PTDSS2: variants seen among roughly 807,000 people sequenced by gnomAD.
The protein encoded by PTDSS2 is PSS-2.
In PTDSS2, 41 loss-of-function variants were observed where a neutral mutation model predicts 64.7. The observed-to-expected ratio is 0.63, with a 90% confidence interval of 0.49 to 0.82. The LOEUF is 0.82. Among genes scored for constraint, PTDSS2 ranks in the 40% least tolerant of loss-of-function variants. PTDSS2 has a pLI of 0.00. For synonymous variants in PTDSS2, 297 were observed against 277.8 expected (o/e 1.07, Z -0.69); for missense variants, 485 against 650.0 (o/e 0.75, Z 2.76).
In PTDSS2 at chr11:490,481, G is replaced by C; in HGVS notation, c.1363G>C (p.Gly455Arg). Residue 455 changes from glycine (G) to arginine (R), a missense_variant, in exon 12 of 12, where the codon GGC becomes CGC. Gly to Arg is a moderately radical substitution (Grantham distance 125). Coordinates refer to ENST00000308020, the MANE Select transcript of PTDSS2 (RefSeq NM_030783.3). ...WQKWQNKDDQ[G>R]STVGNGDQHP... ...GAAGTGGCAGAACAAGGATGACCAG[G>C]GCAGCACCGTCGGCAACGGGGACCA... The C allele has an allele frequency of 2.5e-6, 4 of 1,613,226 alleles. No homozygotes were observed. The highest frequency in any genetic ancestry group is 3.4e-6 in the Non-Finnish European group (4 of 1,179,958).
At chr11:458,803 G>GAT (rs1361109910) in intron 1 of PTDSS2, 1 of 152,208 alleles carries the variant, frequency 6.6e-6, no homozygotes, top group Non-Finnish European at 1.5e-5. Flanking sequence ...AGTTTTATCA[G>GAT]ATATATGTAT....
At chr11:487,878 G>A (rs371746629) in intron 6 of PTDSS2, among the ~76,000 whole-genome samples, 2 of 152,318 alleles carry the variant, frequency 1.3e-5, no homozygotes, top group East Asian at 3.9e-4. Context: ...GCTGACAGTC[G>A]TACATCGAGG....
At chr11:455,104 A>G (rs986715046) in intron 1 of PTDSS2, among the ~76,000 whole-genome samples, 1 of 152,198 alleles carries the variant, frequency 6.6e-6, no homozygotes, top group African/African-American at 2.4e-5. Flanking sequence ...CTGAGCCCAC[A>G]TGGAGATGAC....
intron 11 of PTDSS2, 77 bp from the exon 12 acceptor site, chr11:490,343 C>G (rs1848616994): frequency 6.3e-7 from 1 of 1,591,798 alleles, no homozygotes; most frequent in African/African-American, 1.3e-5. Context: ...TCCACAGGGA[C>G]TAGGTGCCAG....
chr11:472,468 T>C (rs1847512297), intron 2 of PTDSS2, among the ~76,000 whole-genome samples: 1 of 152,154 alleles, frequency 6.6e-6, no homozygotes, highest in African/African-American at 2.4e-5. Flanking sequence ...AGCTGGGGCC[T>C]GGGTGGAGAC....
chr11:451,504 C>T (rs1366794814), intron 1 of PTDSS2: 1 of 356,260 alleles, frequency 2.8e-6, no homozygotes, highest in Non-Finnish European at 6.0e-6. Flanking sequence ...GTGCCCAGTT[C>T]CCATCCTGTG....
chr11:467,066 C>A (rs1328889923), intron 2 of PTDSS2, among the ~76,000 whole-genome samples: 5 of 152,000 alleles, frequency 3.3e-5, no homozygotes, highest in Non-Finnish European at 7.4e-5. Flanking sequence ...CAAACACAAA[C>A]CTGGGTGACA....
intron 2 of PTDSS2, among the ~76,000 whole-genome samples, chr11:471,604 C>T (rs966201129): frequency 1.3e-5 from 2 of 149,812 alleles, no homozygotes; most frequent in Non-Finnish European, 3.0e-5. Context: ...GGATGGTGGC[C>T]TGGGATGACA....
At chr11:469,306 T>C (rs1590638919) in intron 2 of PTDSS2, among the ~76,000 whole-genome samples, 2 of 91,418 alleles carry the variant, frequency 2.2e-5, no homozygotes, top group Admixed American at 1.1e-4. Context: ...GGGGAGTCTC[T>C]GGGTAATCGG....
At chr11:464,615 G>A (rs929189819) in intron 2 of PTDSS2, among the ~76,000 whole-genome samples, 5 of 152,252 alleles carry the variant, frequency 3.3e-5, no homozygotes, top group Non-Finnish European at 5.9e-5. Flanking sequence ...CTGGAGGGCA[G>A]CTTCGCGGCA....
Position 473,816 on chromosome 11 carries a change from T to TG in PTDSS2, c.285-74dup, listed in dbSNP as rs1213819626. 16 of 1,086,036 alleles carry TG rather than the reference T, an allele frequency of 1.5e-5. No individual in the cohort carries two copies. The Admixed American group carries it at 2.7e-4, about 18-fold the overall frequency. The allele number at this position is 1,086,036 out of a possible 1,614,324, so 67.3% of individuals were successfully genotyped here. A position where few individuals can be genotyped will look rare whatever the true frequency, so the allele number is the denominator to read the frequency against. ...CAGGGGCTGTTCCACAATGGGTGTC[T>TG]GGGGGTCCCTGCAGCCTCCCACCTC... On this transcript the variant is annotated intron_variant, in intron 2 of 11. Coordinates refer to ENST00000308020, the MANE Select transcript of PTDSS2 (RefSeq NM_030783.3).
rs574318775 is a variant in PTDSS2 at position 471,728 on chromosome 11, G to A, written c.285-2167G>A. ...GGTGGCCTGGGGTGACGTGGATGGC[G>A]GCCTGGGGTGACGCAGATGGTGGCC... is the stretch of plus-strand genomic sequence containing the variant. On this transcript the variant is annotated intron_variant, in intron 2 of 11. Coordinates refer to ENST00000308020, the MANE Select transcript of PTDSS2 (RefSeq NM_030783.3). Among the ~76,000 whole-genome samples the A allele has an allele frequency of 8.1e-5, 12 of 148,120 alleles. No homozygotes were observed. In the South Asian group the frequency reaches 1.5e-3, roughly 19 times the overall value.
chr11:460,486 G>GC lies in PTDSS2; in HGVS notation c.284+203dup, dbSNP rs1846827005. ...TGGTGCTGCGTGGCGTTCCCGGTCA[G>GC]CCCCCGTCGCCTGTCACTGGGAGCC... On this transcript the variant is annotated intron_variant, in intron 2 of 11. Transcript: ENST00000308020. This position sits in a 1 kb window ranked among gnomAD's most constrained non-coding sequence, Gnocchi z 5.8. 3.6e-6 allele frequency: 2 copies of GC among 554,378 alleles called. No individual in the cohort carries two copies. Among genetic ancestry groups the GC allele is most frequent in the African/African-American group, 3.8e-5 (2 of 52,816 alleles). The allele number at this position is 554,378 out of a possible 1,614,324, so 34.3% of individuals were successfully genotyped here.
chr11:458,507 A>ATT (rs3082636), intron 1 of PTDSS2, among the ~76,000 whole-genome samples: 1,274 of 93,862 alleles, frequency 0.014, 50 homozygotes, highest in African/African-American at 0.046. Flanking sequence ...GCCTGGCCTG[A>ATT]TTTTTTTTTT....
At chr11:487,320 G>A (rs892950104) in intron 5 of PTDSS2, 100 bp from the exon 6 acceptor site, 30 of 1,177,194 alleles carry the variant, frequency 2.5e-5, no homozygotes, top group South Asian at 2.3e-4. Context: ...CCTTCTTCCC[G>A]GGGTCTGGCA....
chr11:474,693 C>G (rs980770476), intron 3 of PTDSS2, among the ~76,000 whole-genome samples: 1 of 152,190 alleles, frequency 6.6e-6, no homozygotes, highest in Non-Finnish European at 1.5e-5. Flanking sequence ...GGTTGTTTCC[C>G]CTGAGTGGCC....
chr11:489,575 T>C lies in PTDSS2; in HGVS notation c.970-13T>C, dbSNP rs1342541032. 4 of 1,605,608 alleles carry C rather than the reference T, an allele frequency of 2.5e-6. No homozygotes were observed. In the Admixed American group the frequency reaches 6.8e-5, roughly 27 times the overall value. On this transcript the variant is annotated splice_polypyrimidine_tract_variant and intron_variant, in intron 9 of 11. Transcript: ENST00000308020. Reference sequence around the variant, plus strand: ...GGGGGGCCAGAGCTGGTGCTCACCCTCTCCTCCCCTAGTTCCTGTTGGCAG... The same window carrying C: ...GGGGGGCCAGAGCTGGTGCTCACCCCCTCCTCCCCTAGTTCCTGTTGGCAG...
chr11:465,406 G>A (rs977938955), intron 2 of PTDSS2, among the ~76,000 whole-genome samples: 1 of 152,142 alleles, frequency 6.6e-6, no homozygotes. Context: ...TGCCCAGGCT[G>A]GTCTCAAACC....
chr11:485,383 G>A (rs1305690204), intron 4 of PTDSS2, among the ~76,000 whole-genome samples: 1 of 147,440 alleles, frequency 6.8e-6, no homozygotes, highest in East Asian at 2.1e-4. Flanking sequence ...ATGGGCATGT[G>A]TGCTGTGTGT....
Sources: allele counts gnomAD v4.1 joint callset (sites outside exome capture counted in the v4.1 genomes callset), GRCh38; gene constraint gnomAD v4.1.1; non-coding constraint Gnocchi (gnomAD v3.1); transcripts MANE v1.5; gene names NCBI Gene and HGNC (gene_info 2026-07-23, HGNC 2026-07-21).